The following DYNC1H1 variants were observed in gnomAD, a reference collection of about 807,000 sequenced individuals.
The protein encoded by DYNC1H1 is cytoplasmic dynein 1 heavy chain 1.
In DYNC1H1, 51 loss-of-function variants were observed where a neutral mutation model predicts 527.1. The observed-to-expected ratio is 0.10, with a 90% CI of 0.08 to 0.12. The LOEUF is 0.12. Ranked by LOEUF, DYNC1H1 falls within the 10% of genes least tolerant of loss-of-function variation. The pLI is 1.00. For missense variants in DYNC1H1, 2,771 were observed against 5,971.8 expected (o/e 0.46, Z 17.66); for synonymous variants, 2,189 against 2,278.8 (o/e 0.96, Z 1.12).
At chr14:102,022,403 G>A (rs1468359043) in intron 42 of DYNC1H1, among the ~76,000 whole-genome samples, 1 of 151,896 alleles carries the variant, frequency 6.6e-6, no homozygotes, top group African/African-American at 2.4e-5. Flanking sequence ...CTACTCAGGA[G>A]GCTGAGGCAG....
In DYNC1H1 at chr14:102,020,227, A is replaced by G. The variant is rs2048369373; in HGVS notation, c.8507+171A>G. Reference sequence around the variant, plus strand: ...AGCCTCCCGTCTGGACACTGGTCACAGTTGCCCCAGGGTAACAAAGTCACA... The same window carrying G: ...AGCCTCCCGTCTGGACACTGGTCACGGTTGCCCCAGGGTAACAAAGTCACA... On this transcript the variant is annotated intron_variant, in intron 42 of 77. Transcript: ENST00000360184. The surrounding 1 kb of genome is among the most constrained non-coding windows in gnomAD (Gnocchi z 4.3). Among the ~76,000 whole-genome samples the G allele has an allele frequency of 6.6e-6, 1 of 152,328 alleles. No homozygotes were observed. Among genetic ancestry groups the G allele is most frequent in the African/African-American group, 2.4e-5 (1 of 41,582 alleles).
In DYNC1H1 at chr14:102,027,602, A is replaced by G. The variant is rs202002525; in HGVS notation, c.9049-17A>G. The G allele has an allele frequency of 4.3e-6, 7 of 1,614,190 alleles. No homozygotes were observed. The African/African-American group carries it at 8.0e-5, about 18-fold the overall frequency. ...GTTACCGGGGGACCAGTAAGTCAGC[A>G]CTGTGCTGTTTCCCAGGTGCCTGGT... On this transcript the variant is annotated splice_polypyrimidine_tract_variant and intron_variant, in intron 46 of 77. Transcript: ENST00000360184. This position sits in a 1 kb window ranked among gnomAD's most constrained non-coding sequence, Gnocchi z 7.7.
intron 2 of DYNC1H1, among the ~76,000 whole-genome samples, chr14:101,976,127 G>A (rs1486430395): frequency 2.0e-5 from 3 of 150,762 alleles, no homozygotes; most frequent in South Asian, 2.1e-4. Context: ...GGCTGGTCTC[G>A]AACTCCTGAC....
Position 102,054,306 on chromosome 14 carries a change from C to T in DYNC1H1, c.*3743C>T, listed in dbSNP as rs1250291852. Reference sequence around the variant, plus strand: ...AAGCGAAGCTGAGGCCAGACCCACCCCCGAGTCTTCCCTCTGCCACATCCA... The same window carrying T: ...AAGCGAAGCTGAGGCCAGACCCACCTCCGAGTCTTCCCTCTGCCACATCCA... On this transcript the variant is annotated 3_prime_UTR_variant, in exon 78 of 78. Coordinates refer to ENST00000360184, the MANE Select transcript of DYNC1H1 (RefSeq NM_001376.5). 1.3e-5 allele frequency: 2 copies of T among 152,374 alleles called. No individual in the cohort carries two copies. The highest frequency in any genetic ancestry group is 4.8e-5 in the African/African-American group (2 of 41,468). The allele number at this position is 152,374 out of a possible 1,614,324, so 9.4% of individuals were successfully genotyped here. A position where few individuals can be genotyped will look rare whatever the true frequency, so the allele number is the denominator to read the frequency against.
chr14:101,995,097 G>A lies in DYNC1H1; in HGVS notation c.3444+1G>A. The A allele has an allele frequency of 6.2e-7, 1 of 1,614,164 alleles. No homozygotes were observed. The highest frequency in any genetic ancestry group is 8.5e-7 in the Non-Finnish European group (1 of 1,180,032). On this transcript the variant is annotated splice_donor_variant, in intron 14 of 77. Coordinates refer to ENST00000360184, the MANE Select transcript of DYNC1H1 (RefSeq NM_001376.5). LOFTEE classifies it high-confidence loss of function. Reference sequence around the variant, plus strand: ...GGAATTCCATTCCCAGATCTCAAAGGTGAGGACATAGGATTCTGCCTCTGT... The same window carrying A: ...GGAATTCCATTCCCAGATCTCAAAGATGAGGACATAGGATTCTGCCTCTGT...
In DYNC1H1 at chr14:102,010,674, C is replaced by T. The variant is rs2048248554; in HGVS notation, c.6406-66C>T. The T allele has an allele frequency of 2.5e-6, 4 of 1,600,634 alleles. No individual in the cohort carries two copies. Among genetic ancestry groups the T allele is most frequent in the Non-Finnish European group, 3.4e-6 (4 of 1,170,444 alleles). On this transcript the variant is annotated intron_variant, in intron 31 of 77. Transcript: ENST00000360184. This position sits in a 1 kb window ranked among gnomAD's most constrained non-coding sequence, Gnocchi z 6.0. ...CCAACAGTTACTGATCACGCACCTC[C>T]TGGGGATGCAGCGGGCAGTACTTGA... is the stretch of plus-strand genomic sequence containing the variant.
At chr14:101,971,592 G>C (rs1246017324) in intron 1 of DYNC1H1, among the ~76,000 whole-genome samples, 1 of 152,060 alleles carries the variant, frequency 6.6e-6, no homozygotes, top group Admixed American at 6.6e-5. Flanking sequence ...CAGGCATGGT[G>C]ATGCACAACT....
chr14:102,050,016 G>A, intron 76 of DYNC1H1, 55 bp from the exon 77 acceptor site: 7 of 1,614,146 alleles, frequency 4.3e-6, no homozygotes, highest in Non-Finnish European at 5.9e-6. Flanking sequence ...CTGTGACTGG[G>A]GTTTGTGTAG....
chr14:102,017,950 C>T lies in DYNC1H1; in HGVS notation c.8177+446C>T, dbSNP rs1214444891. The T allele has an allele frequency of 7.2e-6, 2 of 277,718 alleles. No homozygotes were observed. The highest frequency in any genetic ancestry group is 3.9e-5 in the South Asian group (1 of 25,876). 17.2% of individuals were successfully genotyped at this position (277,718 alleles called of 1,614,324 possible). On this transcript the variant is annotated intron_variant, in intron 40 of 77. Coordinates refer to ENST00000360184, the MANE Select transcript of DYNC1H1 (RefSeq NM_001376.5). The surrounding 1 kb of genome is among the most constrained non-coding windows in gnomAD (Gnocchi z 4.6). Reference sequence around the variant, plus strand: ...TGAAACCCCATCTCTACTAAAAATACAAAAAATTAGCCAGGCATGGTGGCA... The same window carrying T: ...TGAAACCCCATCTCTACTAAAAATATAAAAAATTAGCCAGGCATGGTGGCA...
At chr14:102,007,371 G>A (rs772034086) in intron 28 of DYNC1H1, among the ~76,000 whole-genome samples, 3 of 152,114 alleles carry the variant, frequency 2.0e-5, no homozygotes, top group Non-Finnish European at 4.4e-5. Context: ...GTTTTTTGAC[G>A]ACATTTTTAG....
chr14:102,047,602 CATAT>C (rs747865269), intron 72 of DYNC1H1: 1 of 374,390 alleles, frequency 2.7e-6, no homozygotes. Context: ...TATATATACA[CATAT>C]ATGTATATAT....
Position 102,005,950 on chromosome 14 carries a change from C to T in DYNC1H1, c.5496C>T (p.Asn1832=), listed in dbSNP as rs774374501. The change falls in exon 27 of 78, where the codon AAC becomes AAT. Residue 1832 remains asparagine (N), a synonymous_variant. Transcript: ENST00000360184. This position sits in a 1 kb window ranked among gnomAD's most constrained non-coding sequence, Gnocchi z 4.0. ...TRSLIKSKID[N]AKSFEWLSQM... Reference sequence around the variant, plus strand: ...CCTTGATCAAAAGCAAGATTGACAACGCCAAATCTTTTGAATGGCTCAGCC... The same window carrying T: ...CCTTGATCAAAAGCAAGATTGACAATGCCAAATCTTTTGAATGGCTCAGCC... The T allele has an allele frequency of 2.2e-5, 36 of 1,614,134 alleles. No homozygotes were observed. Among genetic ancestry groups the T allele is most frequent in the Non-Finnish European group, 3.0e-5 (35 of 1,180,056 alleles).
At chr14:102,021,663 T>C (rs1473045922) in intron 42 of DYNC1H1, among the ~76,000 whole-genome samples, 5 of 147,952 alleles carry the variant, frequency 3.4e-5, no homozygotes, top group African/African-American at 9.9e-5. Context: ...TTTCTTTTTT[T>C]TTTTTTTTTT....
rs202042156 is a variant in DYNC1H1 at position 102,022,889 on chromosome 14, C to T, written c.8637+9C>T. 274 of 1,614,084 alleles carry T rather than the reference C, an allele frequency of 1.7e-4. No homozygotes were observed. Among genetic ancestry groups the T allele is most frequent in the Non-Finnish European group, 2.3e-4 (267 of 1,180,022 alleles). On this transcript the variant is annotated intron_variant, in intron 43 of 77. Coordinates refer to ENST00000360184, the MANE Select transcript of DYNC1H1 (RefSeq NM_001376.5). ...GCAACTGGCTGTCAAAGGTAGCAAA[C>T]TCGCATCATTTCAGACATACTTCTT...
chr14:101,967,453 G>C (rs1240507629), intron 1 of DYNC1H1, among the ~76,000 whole-genome samples: 37 of 152,052 alleles, frequency 2.4e-4, no homozygotes, highest in Admixed American at 6.5e-5. Context: ...ACTTGTAATT[G>C]AATATAGAAA....
Position 101,991,653 on chromosome 14 carries a change from A to G in DYNC1H1, c.2995A>G (p.Ile999Val). ...GATGGTTGTACTGTCTCTCCCCAGG[A>G]TCCAGAGTCAGAGGTACCAGGTAAG... ...WKMVVLSLPR[I>V]QSQRYQVGVH... The change falls in exon 11 of 78, where the codon ATC becomes GTC. Residue 999 changes from isoleucine (I) to valine (V), a missense_variant. Physicochemically the swap from Ile to Val is conservative, Grantham distance 29 (BLOSUM62 3). Around this residue, in one of 32 missense-constraint regions of DYNC1H1, gnomAD observed 179 missense variants for 349.4 expected, o/e 0.51. Transcript: ENST00000360184. 1 of 1,614,196 alleles carries G rather than the reference A, an allele frequency of 6.2e-7. No homozygotes were observed.
chr14:102,015,779 C>T lies in DYNC1H1; in HGVS notation c.7243-77C>T. ...GTTTTCCAAGGTCGTATGACCTTCT[C>T]CTGGGACCAGGTTAGAATCGATGAA... On this transcript the variant is annotated intron_variant, in intron 35 of 77. Transcript: ENST00000360184. This position sits in a 1 kb window ranked among gnomAD's most constrained non-coding sequence, Gnocchi z 6.9. 4.0e-6 allele frequency: 6 copies of T among 1,518,228 alleles called. No homozygotes were observed. The highest frequency in any genetic ancestry group is 2.3e-5 in the East Asian group (1 of 43,178). 94.0% of individuals were successfully genotyped at this position (1,518,228 alleles called of 1,614,324 possible).
rs767469923 is a variant in DYNC1H1, at chr14:102,017,383, A to C, written c.8056A>C (p.Met2686Leu). Residue 2686 changes from methionine (M) to leucine (L), a missense_variant and splice_region_variant, in exon 40 of 78, where the codon ATG (methionine) becomes CTG (leucine). Around this residue, in one of 32 missense-constraint regions of DYNC1H1, gnomAD observed 163 missense variants for 346.9 expected, o/e 0.47. Transcript: ENST00000360184. The surrounding 1 kb of genome is among the most constrained non-coding windows in gnomAD (Gnocchi z 4.6). ...ATGTGGTACCTGTCCCTTCCTTCAG[A>C]TGGTGGAGCACGGAGGCTTTTACCG... ...TQRVISFIRQ[M>L]VEHGGFYRTS... 3.7e-6 allele frequency: 6 copies of C among 1,614,068 alleles called. No homozygotes were observed. The highest frequency in any genetic ancestry group is 5.1e-6 in the Non-Finnish European group (6 of 1,180,052).
In DYNC1H1 at chr14:101,965,610, G is replaced by A. The variant is rs1319269543; in HGVS notation, c.256+663G>A. On this transcript the variant is annotated intron_variant, in intron 1 of 77. Coordinates refer to ENST00000360184, the MANE Select transcript of DYNC1H1 (RefSeq NM_001376.5). The surrounding 1 kb of genome is among the most constrained non-coding windows in gnomAD (Gnocchi z 4.1). ...CTCTCACAGCATCCTTGCTGAACGG[G>A]TGTATCCTGATTTTACACCTGAGGA... Among the ~76,000 whole-genome samples the A allele has an allele frequency of 6.6e-6, 1 of 152,046 alleles. No homozygotes were observed. The highest frequency in any genetic ancestry group is 1.5e-5 in the Non-Finnish European group (1 of 68,012).
Sources: allele counts gnomAD v4.1 joint callset (sites outside exome capture counted in the v4.1 genomes callset), GRCh38; gene constraint gnomAD v4.1.1; regional missense constraint gnomAD v4.1.1; non-coding constraint Gnocchi (gnomAD v3.1); transcripts MANE v1.5; gene names NCBI Gene and HGNC (gene_info 2026-07-23, HGNC 2026-07-21).